The following DERA variants were observed in gnomAD, a reference collection of about 807,000 sequenced individuals.
DERA encodes deoxyribose-phosphate aldolase.
In DERA, 15 loss-of-function variants were observed where a neutral mutation model predicts 41.1. The ratio of observed to expected loss-of-function variants is 0.37; its 90% confidence interval spans 0.24 to 0.56. The LOEUF is 0.56. DERA is among the 20% of genes least tolerant of loss of function. The pLI, the probability that DERA is intolerant of heterozygous loss-of-function variation, is 0.81. For missense variants in DERA, 396 were observed against 403.4 expected (o/e 0.98, Z 0.16); for synonymous variants, 139 against 137.4 (o/e 1.01, Z -0.08).
chr12:15,974,936 G>A (rs1272300711), intron 5 of DERA, among the ~76,000 whole-genome samples: 1 of 151,604 alleles, frequency 6.6e-6, no homozygotes, highest in African/African-American at 2.4e-5. Context: ...CTTCCTTCCT[G>A]TTTGTAAGAA....
At position 15,936,937 on chromosome 12, in the gene DERA, T is replaced by TCCCGTCCCGTCCC. The variant is rs1565588734; in HGVS notation, c.32-19999_32-19998insCCCGTCCCGTCCC. Among the ~76,000 whole-genome samples, 231 of 130,920 alleles carry TCCCGTCCCGTCCC rather than the reference T, an allele frequency of 1.8e-3. 1 individual carries two copies. The highest frequency in any genetic ancestry group is 3.4e-3 in the African/African-American group (95 of 27,622). The allele number at this position is 130,920 out of a possible 152,430, so 85.9% of individuals were successfully genotyped here. The stretch of plus-strand genomic sequence containing the variant: ...TGTCCTGTCCTGTCCTGTCCTGTCT[T>TCCCGTCCCGTCCC]GTCCTGTCCCGTCCTGTCCTGCCCT... On this transcript the variant is annotated intron_variant, in intron 1 of 8. Coordinates refer to ENST00000428559, the MANE Select transcript of DERA (RefSeq NM_015954.4). This position sits in a 1 kb window ranked among gnomAD's most constrained non-coding sequence, Gnocchi z 4.6.
intron 6 of DERA, among the ~76,000 whole-genome samples, chr12:15,991,620 A>AATATATATATATATAT (rs1483214701): frequency 4.6e-5 from 7 of 152,120 alleles, no homozygotes; most frequent in Non-Finnish European, 1.0e-4. Flanking sequence ...ATAGATGAAA[A>AATATATATATATATAT]ATATATAATC....
rs1046454158 is a variant in DERA, at chr12:15,990,146, T to A, written c.637+7710T>A. On this transcript the variant is annotated intron_variant, in intron 6 of 8. Coordinates refer to ENST00000428559, the MANE Select transcript of DERA (RefSeq NM_015954.4). This position sits in a 1 kb window ranked among gnomAD's most constrained non-coding sequence, Gnocchi z 4.3. ...AAGGAAACATAATGAAATCTTTTTTTTTCTATACTCTTTCAAGGCATTATT... is the reference window on the plus strand; with the variant it reads ...AAGGAAACATAATGAAATCTTTTTTATTCTATACTCTTTCAAGGCATTATT... Among the ~76,000 whole-genome samples, 2 of 152,192 alleles carry A rather than the reference T, an allele frequency of 1.3e-5. No individual in the cohort carries two copies. The highest frequency in any genetic ancestry group is 2.1e-4 in the South Asian group (1 of 4,832).
chr12:15,968,499 G>A (rs1948639012), intron 5 of DERA, among the ~76,000 whole-genome samples: 1 of 152,230 alleles, frequency 6.6e-6, no homozygotes, highest in Non-Finnish European at 1.5e-5. Context: ...GTCATTGCTG[G>A]TGTCACAGTC....
intron 6 of DERA, among the ~76,000 whole-genome samples, chr12:16,030,183 C>A (rs1592058631): frequency 6.6e-6 from 1 of 151,280 alleles, no homozygotes; most frequent in Admixed American, 6.6e-5. Flanking sequence ...CTGCCAGCCT[C>A]GGCCTCCCAA....
chr12:15,913,759 T>C lies in DERA; in HGVS notation c.31+2345T>C, dbSNP rs1189813644. Among the ~76,000 whole-genome samples, 2 of 152,204 alleles carry C rather than the reference T, an allele frequency of 1.3e-5. No homozygotes were observed. The highest frequency in any genetic ancestry group is 2.4e-5 in the African/African-American group (1 of 41,458). On this transcript the variant is annotated intron_variant, in intron 1 of 8. Transcript: ENST00000428559. This position sits in a 1 kb window ranked among gnomAD's most constrained non-coding sequence, Gnocchi z 4.5. ...CATTGGCATTTGGATGTATGAAAGA[T>C]GTTTTCCAAATAGGGAATGTACCCT...
intron 1 of DERA, among the ~76,000 whole-genome samples, chr12:15,948,949 T>A (rs1948473482): frequency 6.6e-6 from 1 of 152,168 alleles, no homozygotes; most frequent in Non-Finnish European, 1.5e-5. Context: ...TCTGTTGGAG[T>A]TTGCTGGAGG....
chr12:15,958,206 G>A lies in DERA; in HGVS notation c.148G>A (p.Ala50Thr), dbSNP rs751964462. The A allele has an allele frequency of 1.3e-6, 2 of 1,571,868 alleles. No homozygotes were observed. The highest frequency in any genetic ancestry group is 1.7e-6 in the Non-Finnish European group (2 of 1,160,230). The change falls in exon 3 of 9, where the codon GCT becomes ACT. Residue 50 changes from alanine (A) to threonine (T), a missense_variant. Physicochemically the swap from Ala to Thr is moderately conservative, Grantham distance 58. Transcript: ENST00000428559. ...KEWQAAWLLK[A>T]VTFIDLTTLS... is the part of the protein sequence containing the mutation. The stretch of plus-strand genomic sequence containing the variant: ...AAACCAGGCTGCTTGGCTCCTGAAA[G>A]CTGTTACCTTTATAGATCTTACTAC...
intron 1 of DERA, among the ~76,000 whole-genome samples, chr12:15,916,856 C>G (rs974215689): frequency 6.6e-6 from 1 of 152,280 alleles, no homozygotes; most frequent in African/African-American, 2.4e-5. Context: ...AAGCAGTTCT[C>G]CCTCTGTGGC....
At chr12:15,975,447 G>T (rs1352801557) in intron 5 of DERA, among the ~76,000 whole-genome samples, 1 of 152,176 alleles carries the variant, frequency 6.6e-6, no homozygotes, top group East Asian at 1.9e-4. Flanking sequence ...GTTTAGGGAG[G>T]GTGAGAATCT....
In DERA at chr12:15,982,939, AT is replaced by A. The variant is rs1565604681; in HGVS notation, c.637+504del. On this transcript the variant is annotated intron_variant, in intron 6 of 8. Coordinates refer to ENST00000428559, the MANE Select transcript of DERA (RefSeq NM_015954.4). The surrounding 1 kb of genome is among the most constrained non-coding windows in gnomAD (Gnocchi z 4.0). ...CTTTATCTCTGTGAACAGCAGGTCT[AT>A]CCATTTAGACATCCAAGCTTGCAGC... 6.6e-6 allele frequency among the ~76,000 whole-genome samples: 1 copy of A among 152,232 alleles called. No homozygotes were observed. The highest frequency in any genetic ancestry group is 1.5e-5 in the Non-Finnish European group (1 of 68,042).
At chr12:16,029,913 C>CTTTTTTTTTTTTTTTT (rs71438364) in intron 6 of DERA, among the ~76,000 whole-genome samples, 1 of 59,718 alleles carries the variant, frequency 1.7e-5, no homozygotes, top group Non-Finnish European at 2.9e-5. Flanking sequence ...TAGCCTTGGT[C>CTTTTTTTTTTTTTTTT]TTTTTTTTTT....
In DERA at chr12:15,959,978, C is replaced by A; in HGVS notation, c.373+54C>A. The A allele has an allele frequency of 7.7e-7, 1 of 1,301,138 alleles. No homozygotes were observed. Among genetic ancestry groups the A allele is most frequent in the Non-Finnish European group, 1.1e-6 (1 of 925,624 alleles). 80.6% of individuals were successfully genotyped at this position (1,301,138 alleles called of 1,614,324 possible). A position where few individuals can be genotyped will look rare whatever the true frequency, so the allele number is the denominator to read the frequency against. ...TTTTTTAAACATGTTTCCAGTTCTT[C>A]ATACAATGGGGTATTATATGTAGGT... On this transcript the variant is annotated intron_variant, in intron 4 of 8. Transcript: ENST00000428559. This position sits in a 1 kb window ranked among gnomAD's most constrained non-coding sequence, Gnocchi z 4.5.
rs75505542 is a variant in DERA at position 16,036,259 on chromosome 12, C to A, written c.778C>A (p.Arg260Ser). The A allele has an allele frequency of 4.3e-6, 7 of 1,612,440 alleles. No individual in the cohort carries two copies. The highest frequency in any genetic ancestry group is 5.9e-6 in the Non-Finnish European group (7 of 1,179,260). Reference protein sequence around the residue: ...KIGFKPAGGIRSAKDSLAWLS... With the variant: ...KIGFKPAGGISSAKDSLAWLS... ...AGGGTTTAAACCAGCAGGAGGCATC[C>A]GCAGTGCAAAGGATTCCCTTGCTTG... Residue 260 changes from arginine (R) to serine (S), a missense_variant, in exon 8 of 9, where the codon CGC (arginine) becomes AGC (serine). Coordinates refer to ENST00000428559, the MANE Select transcript of DERA (RefSeq NM_015954.4). This position sits in a 1 kb window ranked among gnomAD's most constrained non-coding sequence, Gnocchi z 4.9.
In DERA at chr12:16,000,433, A is replaced by G. The variant is rs1948866925; in HGVS notation, c.637+17997A>G. Reference sequence around the variant, plus strand: ...ATGTAAATCAAAATGCAGAACTAATACATTTGTTTTAGTGATTCAGGAGGA... The same window carrying G: ...ATGTAAATCAAAATGCAGAACTAATGCATTTGTTTTAGTGATTCAGGAGGA... On this transcript the variant is annotated intron_variant, in intron 6 of 8. Coordinates refer to ENST00000428559, the MANE Select transcript of DERA (RefSeq NM_015954.4). The surrounding 1 kb of genome is among the most constrained non-coding windows in gnomAD (Gnocchi z 4.8). Among the ~76,000 whole-genome samples the G allele has an allele frequency of 6.6e-6, 1 of 152,222 alleles. No homozygotes were observed. The highest frequency in any genetic ancestry group is 6.5e-5 in the Admixed American group (1 of 15,290).
At chr12:16,030,222 A>G (rs1462108563) in intron 6 of DERA, among the ~76,000 whole-genome samples, 1 of 151,680 alleles carries the variant, frequency 6.6e-6, no homozygotes, top group Admixed American at 6.6e-5. Context: ...GTGAGCCACC[A>G]CGTCCAGCCA....
intron 5 of DERA, among the ~76,000 whole-genome samples, chr12:15,974,892 C>T (rs1416074168): frequency 6.6e-6 from 1 of 152,160 alleles, no homozygotes; most frequent in East Asian, 1.9e-4. Context: ...CTCCCTTCCT[C>T]TGTCCTTCCC....
chr12:16,018,388 C>A (rs1375102551), intron 6 of DERA, among the ~76,000 whole-genome samples: 1 of 151,986 alleles, frequency 6.6e-6, no homozygotes, highest in Non-Finnish European at 1.5e-5. Context: ...ATTAAGACTC[C>A]CTGTAACGAA....
Position 15,965,812 on chromosome 12 carries a change from C to G in DERA, c.508+2865C>G, listed in dbSNP as rs1484223286. On this transcript the variant is annotated intron_variant, in intron 5 of 8. Transcript: ENST00000428559. This position sits in a 1 kb window ranked among gnomAD's most constrained non-coding sequence, Gnocchi z 4.1. ...CTCCCTCCAGGTCCTTGCATCAGGG[C>G]TGCTTTTCTTTGCTTCTTCCTTTGC... Among the ~76,000 whole-genome samples the G allele has an allele frequency of 1.3e-5, 2 of 152,122 alleles. No individual in the cohort carries two copies. Among genetic ancestry groups the G allele is most frequent in the Non-Finnish European group, 2.9e-5 (2 of 68,022 alleles).
Sources: gnomAD v4.1 joint callset for allele counts (sites outside exome capture counted in the v4.1 genomes callset) on GRCh38, gnomAD v4.1.1 for gene constraint, Gnocchi (gnomAD v3.1) non-coding constraint, MANE v1.5 for transcripts, NCBI Gene and HGNC (gene_info 2026-07-23, HGNC 2026-07-21) for gene names.